ECE1: variants seen among roughly 807,000 people sequenced by gnomAD.
ECE1 encodes the protein endothelin-converting enzyme 1.
ECE1 carries 35 observed loss-of-function variants against 98.6 expected under a neutral mutation model. That is an observed-to-expected ratio of 0.35 (90% CI 0.27 to 0.47). ECE1 has a LOEUF of 0.47. Among genes scored for constraint, ECE1 ranks in the 20% least tolerant of loss-of-function variants. The probability of loss-of-function intolerance (pLI) is 1.00; values close to 1 mark genes in which losing one functional copy is unlikely to be tolerated. For missense variants in ECE1, 814 were observed against 1,025.3 expected, an observed-to-expected ratio of 0.79 and a Z score of 2.81; for synonymous variants, 394 against 407.1, an observed-to-expected ratio of 0.97 and a Z score of 0.39.
intron 9 of ECE1, among the ~76,000 whole-genome samples, chr1:21,246,451 A>T (rs1019346581): frequency 6.8e-6 from 1 of 147,698 alleles, no homozygotes; most frequent in Non-Finnish European, 1.5e-5. Context: ...GTGAGTTGAG[A>T]TCGCGCCACT....
chr1:21,293,592 A>G (rs1344183413), upstream of ECE1: 1 of 152,012 alleles, frequency 6.6e-6, no homozygotes, highest in Non-Finnish European at 1.5e-5. Flanking sequence ...ACTCCCAAGC[A>G]GAAATCAGCA....
At chr1:21,243,872 GC>G (rs1393825288) in intron 10 of ECE1, among the ~76,000 whole-genome samples, 3 of 152,238 alleles carry the variant, frequency 2.0e-5, no homozygotes, top group Admixed American at 6.5e-5. Context: ...GTCTGGTGGT[GC>G]CCTTGGAAGT....
intron 1 of ECE1, among the ~76,000 whole-genome samples, chr1:21,302,648 T>C (rs1558423443): frequency 6.6e-6 from 1 of 152,108 alleles, no homozygotes. Flanking sequence ...CCCCCTGCCC[T>C]GAGGAATGCA....
rs1461639854 is a variant in ECE1 at position 21,218,495 on chromosome 1, G to C, written c.*1460C>G. On this transcript the variant is annotated 3_prime_UTR_variant, in exon 19 of 19. Coordinates refer to ENST00000374893, the MANE Select transcript of ECE1 (RefSeq NM_001397.3). The surrounding 1 kb of genome is among the most constrained non-coding windows in gnomAD (Gnocchi z 4.0). ...CTGCAGCCTCAGATAAGGCACTAGAGGACTGGACTGGTCCTGGGAGCCAGG... is the reference window on the plus strand; with the variant it reads ...CTGCAGCCTCAGATAAGGCACTAGACGACTGGACTGGTCCTGGGAGCCAGG... 1 of 152,430 alleles carries C rather than the reference G, an allele frequency of 6.6e-6. No individual in the cohort carries two copies. Among genetic ancestry groups the C allele is most frequent in the Non-Finnish European group, 1.5e-5 (1 of 68,226 alleles). 9.4% of individuals were successfully genotyped at this position (152,430 alleles called of 1,614,324 possible).
intron 2 of ECE1, chr1:21,279,539 A>G (rs2098251927): frequency 6.9e-7 from 1 of 1,452,220 alleles, no homozygotes; most frequent in Non-Finnish European, 9.1e-7. Flanking sequence ...GCTCCCAAAC[A>G]TCAGAGAGTC....
intron 9 of ECE1, among the ~76,000 whole-genome samples, chr1:21,246,173 A>AT (rs2098203230): frequency 6.6e-6 from 1 of 152,082 alleles, no homozygotes; most frequent in South Asian, 2.1e-4. Context: ...TTTTTTCCCT[A>AT]TTTTTTTGGT....
rs762920783 is a variant in ECE1, at chr1:21,279,194, TCTGGTA to T, written c.271_276del (p.Tyr91_Gln92del). On this transcript the variant is annotated inframe_deletion, in exon 3 of 19. Coordinates refer to ENST00000374893, the MANE Select transcript of ECE1 (RefSeq NM_001397.3). ...CATGCAACACGAAGGCACCTACTTG[TCTGGTA>T]CTGGATGCCCAGTGCTGCCAAGCAG... is the stretch of plus-strand genomic sequence containing the variant. 1.5e-5 allele frequency: 25 copies of T among 1,614,018 alleles called. No individual in the cohort carries two copies. The highest frequency in any genetic ancestry group is 2.0e-5 in the Non-Finnish European group (24 of 1,180,030).
At chr1:21,250,472 C>T (rs1422433933) in intron 8 of ECE1, among the ~76,000 whole-genome samples, 1 of 152,206 alleles carries the variant, frequency 6.6e-6, no homozygotes, top group Non-Finnish European at 1.5e-5. Flanking sequence ...TTGGCCATTA[C>T]AATCTTTGTT....
At chr1:21,273,011 C>CT (rs1370542863) in intron 3 of ECE1, 100 bp from the exon 4 acceptor site, 1 of 1,299,638 alleles carries the variant, frequency 7.7e-7, no homozygotes, top group African/African-American at 1.5e-5. Flanking sequence ...ATGTCCCACC[C>CT]TGGCCCTGAC....
At chr1:21,221,697 T>C (rs558846068) in intron 18 of ECE1, 50 bp downstream of exon 18, 16 of 1,592,168 alleles carry the variant, frequency 1.0e-5, no homozygotes, top group Non-Finnish European at 1.3e-5. Context: ...TCTTGAAACA[T>C]CAAGATGGCA....
intron 1 of ECE1, among the ~76,000 whole-genome samples, chr1:21,321,185 T>G (rs1558432112): frequency 6.6e-6 from 1 of 152,206 alleles, no homozygotes; most frequent in Non-Finnish European, 1.5e-5. Flanking sequence ...CAGGTTGCTC[T>G]GACTCAAAGC....
chr1:21,219,620 A>T lies in ECE1; in HGVS notation c.*335T>A. 2.9e-6 allele frequency: 1 copy of T among 347,886 alleles called. No individual in the cohort carries two copies. The allele number at this position is 347,886 out of a possible 1,614,324, so 21.5% of individuals were successfully genotyped here. ...GTGTTTAAAAAATAGTTTCCCCAAA[A>T]ATATATCTTGAAAGCATTTGACACA... On this transcript the variant is annotated 3_prime_UTR_variant, in exon 19 of 19. Transcript: ENST00000374893. The surrounding 1 kb of genome is among the most constrained non-coding windows in gnomAD (Gnocchi z 4.5).
At chr1:21,238,400 A>G (rs1354349990) in intron 10 of ECE1, 156 bp from the exon 11 acceptor site, 3 of 688,030 alleles carry the variant, frequency 4.4e-6, no homozygotes, top group African/African-American at 3.5e-5. Flanking sequence ...CACCGGACCA[A>G]GAGGCCACTG....
rs1472854460 is a variant in ECE1, at chr1:21,319,378, ATAATC to A, written c.3+25993_3+25997del. 6.6e-6 allele frequency among the ~76,000 whole-genome samples: 1 copy of A among 152,052 alleles called. No individual in the cohort carries two copies. Among genetic ancestry groups the A allele is most frequent in the African/African-American group, 2.4e-5 (1 of 41,382 alleles). On this transcript the variant is annotated intron_variant, in intron 1 of 18. Coordinates refer to the ECE1 transcript ENST00000415912. This position sits in a 1 kb window ranked among gnomAD's most constrained non-coding sequence, Gnocchi z 4.4. ...AATAATCATAATCATAATCATAATC[ATAATC>A]ATAAAGTGGACTACGCAGGGCTTTT... is the stretch of plus-strand genomic sequence containing the variant.
intron 10 of ECE1, among the ~76,000 whole-genome samples, chr1:21,241,419 A>C (rs931012108): frequency 3.5e-5 from 5 of 142,506 alleles, no homozygotes; most frequent in Non-Finnish European, 7.6e-5. Flanking sequence ...TAAGTGGTTG[A>C]GGTGTTTTTT....
Position 21,253,680 on chromosome 1 carries a change from G to A in ECE1, c.1020+2267C>T, listed in dbSNP as rs184198114. 6.0e-4 allele frequency among the ~76,000 whole-genome samples: 89 copies of A among 149,440 alleles called. 1 individual carries two copies. Among genetic ancestry groups the A allele is most frequent in the African/African-American group, 2.0e-3 (80 of 40,472 alleles). The stretch of plus-strand genomic sequence containing the variant: ...CGGGAGGCTGAGGTGGGAGAATGGC[G>A]TGAACCCAGGAGGTGGAGCTTGCAG... On this transcript the variant is annotated intron_variant, in intron 8 of 18. Coordinates refer to ENST00000374893, the MANE Select transcript of ECE1 (RefSeq NM_001397.3).
rs201983744 is a variant in ECE1, at chr1:21,253,866, C to T, written c.1020+2081G>A. 1.3e-4 allele frequency among the ~76,000 whole-genome samples: 19 copies of T among 149,444 alleles called. 1 individual carries two copies. In the East Asian group the frequency reaches 3.4e-3, roughly 27 times the overall value. On this transcript the variant is annotated intron_variant, in intron 8 of 18. Coordinates refer to ENST00000374893, the MANE Select transcript of ECE1 (RefSeq NM_001397.3). Reference sequence around the variant, plus strand: ...CGGGTGGATTATGAGGTCAGGAGTTCGAGACCAGCCTGACCAACATGGTGA... The same window carrying T: ...CGGGTGGATTATGAGGTCAGGAGTTTGAGACCAGCCTGACCAACATGGTGA...
chr1:21,250,401 G>A (rs955267413), intron 8 of ECE1, among the ~76,000 whole-genome samples: 1 of 152,170 alleles, frequency 6.6e-6, no homozygotes, highest in Non-Finnish European at 1.5e-5. Context: ...CAGCAAAAAT[G>A]CCTGTACATG....
chr1:21,306,834 G>A (rs1638608579), intron 1 of ECE1, among the ~76,000 whole-genome samples: 1 of 152,152 alleles, frequency 6.6e-6, no homozygotes, highest in Non-Finnish European at 1.5e-5. Flanking sequence ...TCAAGCCTCT[G>A]GGGAGGAGTC....
Sources: gnomAD v4.1 joint callset for allele counts (sites outside exome capture counted in the v4.1 genomes callset) on GRCh38, gnomAD v4.1.1 for gene constraint, Gnocchi (gnomAD v3.1) non-coding constraint, MANE v1.5 for transcripts, NCBI Gene and HGNC (gene_info 2026-07-23, HGNC 2026-07-21) for gene names.